The following FNBP1 variants were observed in gnomAD, a reference collection of about 807,000 sequenced individuals.
FNBP1 encodes formin-binding protein 1.
In FNBP1, 26 loss-of-function variants were observed where a neutral mutation model predicts 90.6. The observed-to-expected ratio is 0.29, with a 90% CI of 0.21 to 0.40. FNBP1 has a LOEUF of 0.40. FNBP1 is among the 10% of genes least tolerant of loss of function. FNBP1 has a pLI of 1.00. For synonymous variants in FNBP1, 260 were observed against 265.2 expected, an observed-to-expected ratio of 0.98 and a Z score of 0.19; for missense variants, 635 against 768.0, an observed-to-expected ratio of 0.83 and a Z score of 2.05.
intron 1 of FNBP1, among the ~76,000 whole-genome samples, chr9:130,026,879 T>C (rs546773539): frequency 4.7e-5 from 7 of 150,238 alleles, no homozygotes; most frequent in South Asian, 4.2e-4. Context: ...GGTGGAAAGA[T>C]AGCTTGAGCC....
chr9:129,986,759 C>T (rs766369796), intron 2 of FNBP1, among the ~76,000 whole-genome samples: 15 of 151,864 alleles, frequency 9.9e-5, no homozygotes, highest in Non-Finnish European at 1.8e-4. Context: ...CATTGCACTC[C>T]AGCCTGGGTG....
At chr9:130,026,555 A>C (rs71499502) in intron 1 of FNBP1, among the ~76,000 whole-genome samples, 12 of 152,118 alleles carry the variant, frequency 7.9e-5, no homozygotes, top group Non-Finnish European at 1.6e-4. Context: ...AGGAGTGAAC[A>C]CAATGAATAA....
At position 130,033,846 on chromosome 9, in the gene FNBP1, C is replaced by CAAA. The variant is rs36040639; in HGVS notation, c.24+9103_24+9105dup. 4.9e-4 allele frequency among the ~76,000 whole-genome samples: 51 copies of CAAA among 103,672 alleles called. 1 individual carries two copies. The highest frequency in any genetic ancestry group is 2.3e-3 in the East Asian group (8 of 3,480). The allele number at this position is 103,672 out of a possible 152,430, so 68.0% of individuals were successfully genotyped here. On this transcript the variant is annotated intron_variant, in intron 1 of 16. Transcript: ENST00000446176. ...GGTAACCCCGCCTCTACTAAAAATA[C>CAAA]AAAAAAAAAAAAAAAAAAAATTAGC... is the stretch of plus-strand genomic sequence containing the variant.
intron 1 of FNBP1, among the ~76,000 whole-genome samples, chr9:130,024,168 G>C (rs1301112787): frequency 6.6e-6 from 1 of 152,076 alleles, no homozygotes; most frequent in Non-Finnish European, 1.5e-5. Context: ...CCAACACTTT[G>C]GGAGGCTGAG....
At chr9:130,013,823 A>G (rs577849013) in intron 1 of FNBP1, 25 of 444,232 alleles carry the variant, frequency 5.6e-5, no homozygotes, top group Non-Finnish European at 1.1e-4. Flanking sequence ...TAGTTATTTC[A>G]AGAGTGGGCT....
chr9:129,890,498 T>G lies in FNBP1; in HGVS notation c.*41A>C. 1.3e-6 allele frequency: 2 copies of G among 1,561,174 alleles called. No homozygotes were observed. The highest frequency in any genetic ancestry group is 1.7e-6 in the Non-Finnish European group (2 of 1,147,376). On this transcript the variant is annotated 3_prime_UTR_variant, in exon 17 of 17. Coordinates refer to ENST00000446176, the MANE Select transcript of FNBP1 (RefSeq NM_015033.3). The surrounding 1 kb of genome is among the most constrained non-coding windows in gnomAD (Gnocchi z 5.8). ...CCTGTGGGAACAAGCAGACGGAGGCTCCTCCAGGAAGGCTCACCCGAGGCT... is the reference window on the plus strand; with the variant it reads ...CCTGTGGGAACAAGCAGACGGAGGCGCCTCCAGGAAGGCTCACCCGAGGCT...
intron 1 of FNBP1, among the ~76,000 whole-genome samples, chr9:130,011,080 G>A (rs2131665442): frequency 6.6e-6 from 1 of 150,890 alleles, no homozygotes; most frequent in South Asian, 2.1e-4. Context: ...GGTGGGCGTG[G>A]TGGCAGGCAC....
intron 2 of FNBP1, among the ~76,000 whole-genome samples, chr9:129,980,355 CATCTCCAAAAAAAAAAAAAAA>C: frequency 7.1e-6 from 1 of 141,348 alleles, no homozygotes; most frequent in South Asian, 2.3e-4. Context: ...AGCGAAACTC[CATCTCCAAAAAAAAAAAAAAA>C]ATCAGAGTGC....
chr9:129,918,881 A>AC (rs1307789977), intron 10 of FNBP1: 5 of 178,022 alleles, frequency 2.8e-5, no homozygotes, highest in African/African-American at 4.8e-5. Flanking sequence ...GAAAAACAAA[A>AC]AAAAAAACAA....
the FNBP1 span, among the ~76,000 whole-genome samples, chr9:130,052,474 C>A: frequency 1.3e-5 from 2 of 151,976 alleles, no homozygotes; most frequent in South Asian, 4.2e-4. Context: ...ACTCTGTCAC[C>A]CAGGCTGGAG....
At chr9:129,988,121 G>A (rs2052575501) in intron 2 of FNBP1, among the ~76,000 whole-genome samples, 1 of 152,016 alleles carries the variant, frequency 6.6e-6, no homozygotes, top group African/African-American at 2.4e-5. Context: ...AGATCGGTTT[G>A]GAAACAGAAA....
chr9:130,002,617 G>C (rs928648506), intron 1 of FNBP1, among the ~76,000 whole-genome samples: 1 of 152,142 alleles, frequency 6.6e-6, no homozygotes, highest in Non-Finnish European at 1.5e-5. Context: ...TCTGGATGCA[G>C]GTGCCTTATC....
intron 10 of FNBP1, among the ~76,000 whole-genome samples, chr9:129,920,060 C>T (rs1312241514): frequency 6.6e-6 from 1 of 152,142 alleles, no homozygotes; most frequent in Non-Finnish European, 1.5e-5. Context: ...ACAGAATGAC[C>T]AAAAGTGAGG....
intron 4 of FNBP1, among the ~76,000 whole-genome samples, chr9:129,967,115 T>C (rs2048745830): frequency 6.6e-6 from 1 of 152,192 alleles, no homozygotes; most frequent in South Asian, 2.1e-4. Context: ...TGGGTGACTA[T>C]GTGTTTGGCC....
At chr9:130,053,614 A>C in the FNBP1 span, 1 of 393,124 alleles carries the variant, frequency 2.5e-6, no homozygotes, top group Non-Finnish European at 4.6e-6. Flanking sequence ...GGGTCCCCGG[A>C]GCCCAAGGTC....
intron 8 of FNBP1, among the ~76,000 whole-genome samples, chr9:129,926,534 C>T (rs1212855233): frequency 6.6e-6 from 1 of 152,058 alleles, no homozygotes; most frequent in East Asian, 1.9e-4. Context: ...GCTAAACATT[C>T]TGAAATGCCC....
At chr9:130,049,526 C>A in the FNBP1 span, among the ~76,000 whole-genome samples, 1 of 152,000 alleles carries the variant, frequency 6.6e-6, no homozygotes, top group Non-Finnish European at 1.5e-5. Context: ...CCAGCCTGGG[C>A]AACATGGCGA....
intron 1 of FNBP1, chr9:130,013,682 T>C (rs1301809397): frequency 4.4e-6 from 2 of 455,704 alleles, no homozygotes; most frequent in Non-Finnish European, 8.8e-6. Context: ...AAAAAAATAT[T>C]GGCAACAACC....
intron 6 of FNBP1, among the ~76,000 whole-genome samples, chr9:129,931,425 A>C (rs146204305): frequency 0.047 from 7,142 of 151,826 alleles, 350 homozygotes; most frequent in Admixed American, 0.15. Context: ...AACATGGTGA[A>C]ACCCCGTCTC....
Sources: gnomAD v4.1 joint callset for allele counts (sites outside exome capture counted in the v4.1 genomes callset) on GRCh38, gnomAD v4.1.1 for gene constraint, Gnocchi (gnomAD v3.1) non-coding constraint, MANE v1.5 for transcripts, NCBI Gene and HGNC (gene_info 2026-07-23, HGNC 2026-07-21) for gene names.